SLC38A12: variants seen among roughly 807,000 people sequenced by gnomAD.
The protein encoded by SLC38A12 is solute carrier family 38 member 12.
the SLC38A12 span, among the ~76,000 whole-genome samples, chr17:74,790,556 C>T: frequency 6.6e-6 from 1 of 152,082 alleles, no homozygotes; most frequent in African/African-American, 2.4e-5. Flanking sequence ...CCCCCCATAC[C>T]CCTTCCTGTT....
At chr17:74,831,328 T>C in the SLC38A12 span, among the ~76,000 whole-genome samples, 1 of 152,212 alleles carries the variant, frequency 6.6e-6, no homozygotes, top group Non-Finnish European at 1.5e-5. Flanking sequence ...TGTCCCCAGA[T>C]GGCCAGCATA....
At chr17:74,804,705 C>T in the SLC38A12 span, among the ~76,000 whole-genome samples, 1 of 152,206 alleles carries the variant, frequency 6.6e-6, no homozygotes, top group Non-Finnish European at 1.5e-5. Flanking sequence ...GCAAGAACTT[C>T]CTTCAACCAT....
chr17:74,789,752 G>A, the SLC38A12 span, among the ~76,000 whole-genome samples: 2 of 150,608 alleles, frequency 1.3e-5, no homozygotes, highest in African/African-American at 4.9e-5. Context: ...GGCTGAGGCA[G>A]GAGAATCACT....
At chr17:74,810,379 G>A in the SLC38A12 span, among the ~76,000 whole-genome samples, 1 of 152,212 alleles carries the variant, frequency 6.6e-6, no homozygotes, top group Non-Finnish European at 1.5e-5. Context: ...TCTAGTTGAG[G>A]GGTTTGGGAA....
the SLC38A12 span, among the ~76,000 whole-genome samples, chr17:74,814,297 G>C: frequency 6.6e-6 from 1 of 151,212 alleles, no homozygotes; most frequent in African/African-American, 2.4e-5. Context: ...AGGCACCCCA[G>C]GCCCCCTTCC....
chr17:74,792,837 G>A, the SLC38A12 span, among the ~76,000 whole-genome samples: 19 of 152,346 alleles, frequency 1.2e-4, 1 homozygote, highest in African/African-American at 4.6e-4. Flanking sequence ...GTCAGGTTCA[G>A]CCCGCATCTG....
the SLC38A12 span, among the ~76,000 whole-genome samples, chr17:74,804,807 C>T: frequency 2.0e-5 from 3 of 152,228 alleles, no homozygotes; most frequent in Non-Finnish European, 4.4e-5. Context: ...GAGGCCCCTG[C>T]GGTCTGTAAT....
chr17:74,837,587 C>G, the SLC38A12 span: 1,027 of 985,496 alleles, frequency 1.0e-3, 11 homozygotes, highest in African/African-American at 0.017. Context: ...TGACAATGGT[C>G]AGGCTGCCCG....
At chr17:74,834,282 A>G in the SLC38A12 span, among the ~76,000 whole-genome samples, 1 of 151,908 alleles carries the variant, frequency 6.6e-6, no homozygotes, top group Non-Finnish European at 1.5e-5. Context: ...TTGACTGACC[A>G]GGGTTGGGAC....
the SLC38A12 span, chr17:74,819,973 G>C: frequency 1.3e-6 from 1 of 767,414 alleles, no homozygotes; most frequent in South Asian, 1.6e-5. Flanking sequence ...ACTCAGGCCT[G>C]TCTGGTCCTC....
the SLC38A12 span, chr17:74,819,987 C>A: frequency 1.4e-6 from 1 of 702,092 alleles, no homozygotes; most frequent in Admixed American, 2.4e-5. Context: ...GGTCCTCCCA[C>A]CTTTCCAAAG....
the SLC38A12 span, among the ~76,000 whole-genome samples, chr17:74,813,209 C>T: frequency 6.6e-6 from 1 of 152,236 alleles, no homozygotes; most frequent in Non-Finnish European, 1.5e-5. Context: ...GCTTTGGCCA[C>T]TGGCATTTGT....
At chr17:74,785,602 A>T in the SLC38A12 span, 1 of 1,613,234 alleles carries the variant, frequency 6.2e-7, no homozygotes, top group East Asian at 2.2e-5. Context: ...GGGCTTCATG[A>T]GGTGAGAGGC....
the SLC38A12 span, among the ~76,000 whole-genome samples, chr17:74,822,486 CA>C: frequency 6.6e-6 from 1 of 152,252 alleles, no homozygotes; most frequent in Non-Finnish European, 1.5e-5. Context: ...AGGTCGACAG[CA>C]CTTGTTTTTT....
the SLC38A12 span, among the ~76,000 whole-genome samples, chr17:74,791,869 G>A: frequency 6.6e-4 from 100 of 152,350 alleles, no homozygotes; most frequent in African/African-American, 2.3e-3. Flanking sequence ...TTAGTGGGCC[G>A]GGCACGGTGG....
At chr17:74,777,219 T>C in the SLC38A12 span, 1 of 1,261,420 alleles carries the variant, frequency 7.9e-7, no homozygotes, top group Non-Finnish European at 1.2e-6. Flanking sequence ...CTCCCACCCC[T>C]GTCTCAGTCC....
At chr17:74,830,311 T>G in the SLC38A12 span, among the ~76,000 whole-genome samples, 11 of 152,214 alleles carry the variant, frequency 7.2e-5, no homozygotes, top group Non-Finnish European at 1.5e-4. Context: ...GATGTTGACT[T>G]TCATCCCCTT....
At chr17:74,817,874 C>A in the SLC38A12 span, among the ~76,000 whole-genome samples, 489 of 152,284 alleles carry the variant, frequency 3.2e-3, 3 homozygotes, top group African/African-American at 0.011. Context: ...CCAGCCCCCA[C>A]AGCTGGAGGA....
the SLC38A12 span, among the ~76,000 whole-genome samples, chr17:74,782,229 G>A: frequency 7.9e-5 from 12 of 152,158 alleles, no homozygotes; most frequent in East Asian, 1.5e-3. Context: ...CATCATGCCC[G>A]GCTAATTTTT....
Sources: allele counts gnomAD v4.1 joint callset (sites outside exome capture counted in the v4.1 genomes callset), GRCh38; gene constraint gnomAD v4.1.1; transcripts MANE v1.5; gene names NCBI Gene and HGNC (gene_info 2026-07-23, HGNC 2026-07-21).